The following ASB11 variants were observed in gnomAD, a reference collection of about 807,000 sequenced individuals.
ASB11 encodes ankyrin repeat and SOCS box containing 11, also known as ankyrin repeat and SOCS box protein 11.
In ASB11, 17 loss-of-function variants were observed where a neutral mutation model predicts 20.1. That is an observed-to-expected ratio of 0.85 (90% CI 0.58 to 1.27). The LOEUF is 1.27. ASB11 is among the 50% of genes most tolerant of loss of function. The pLI is 0.00. For synonymous variants in ASB11, 107 were observed against 105.6 expected, an observed-to-expected ratio of 1.01 and a Z score of -0.08; for missense variants, 259 against 256.9, an observed-to-expected ratio of 1.01 and a Z score of -0.06.
At chrX:15,289,745 C>T (rs1395327860) in intron 4 of ASB11, 107 bp from the exon 5 acceptor site, 7 of 950,231 alleles carry the variant, frequency 7.4e-6, no homozygotes, top group Middle Eastern at 3.2e-4. Context: ...CTAGGTTGGC[C>T]GGGTGTGGTG....
In ASB11 at chrX:15,283,274, A is replaced by G. The variant is rs1240972640; in HGVS notation, c.*231T>C. On this transcript the variant is annotated 3_prime_UTR_variant, in exon 7 of 7. Transcript: ENST00000480796. ...CTTCACAGTTCTTTTAAGTTTCTTAACAACAAGAGCTAAAAGCTAAATGGT... is the reference window on the plus strand; with the variant it reads ...CTTCACAGTTCTTTTAAGTTTCTTAGCAACAAGAGCTAAAAGCTAAATGGT... 6.1e-6 allele frequency: 2 copies of G among 328,362 alleles called. No individual in the cohort carries two copies. The highest frequency in any genetic ancestry group is 1.0e-5 in the Non-Finnish European group (2 of 190,959). The allele number at this position is 328,362 out of a possible 1,213,427, so 27.1% of individuals were successfully genotyped here.
rs754732499 is a variant in ASB11, at chrX:15,283,586, C to G, written c.891G>C (p.Lys297Asn). ...CTTGATGACATGCTCGACCGAGACA[C>G]TTCCGGACACACAGGCGGCAGAGCT... is the stretch of plus-strand genomic sequence containing the variant. ...LSQLCRLCVR[K>N]CLGRACHQAI... Residue 297 changes from lysine to asparagine, a missense_variant, in exon 7 of 7, where the codon AAG becomes AAC. Transcript: ENST00000480796. 2 of 1,209,966 alleles carry G rather than the reference C, an allele frequency of 1.7e-6. No individual in the cohort carries two copies. Among genetic ancestry groups the G allele is most frequent in the Admixed American group, 2.2e-5 (1 of 45,910 alleles).
Position 15,287,875 on chromosome X carries a change from G to T in ASB11, c.847+6C>A, listed in dbSNP as rs373647947. The T allele has an allele frequency of 9.3e-4, 1,115 of 1,195,183 alleles. No homozygotes were observed. Among genetic ancestry groups the T allele is most frequent in the Non-Finnish European group, 1.2e-3 (1,027 of 886,263 alleles). ...GAAGAGGAATGGATACCCAGCCCTT[G>T]GTTACCTTCACGGAGCAAGAGTGCC... is the stretch of plus-strand genomic sequence containing the variant. On this transcript the variant is annotated splice_donor_region_variant and intron_variant, in intron 6 of 6. Transcript: ENST00000480796.
rs376817491 is a variant in ASB11 at position 15,315,406 on chromosome X, C to T, written c.181+19G>A. ...AGGGATTTTCTTTAAATATTAGGAACAAATTCATGTACTTTTACCTGAAAT... is the reference window on the plus strand; with the variant it reads ...AGGGATTTTCTTTAAATATTAGGAATAAATTCATGTACTTTTACCTGAAAT... On this transcript the variant is annotated intron_variant, in intron 1 of 6. Transcript: ENST00000480796. The T allele has an allele frequency of 9.4e-7, 1 of 1,058,563 alleles. No individual in the cohort carries two copies. Among genetic ancestry groups the T allele is most frequent in the South Asian group, 3.1e-5 (1 of 32,265 alleles). The allele number at this position is 1,058,563 out of a possible 1,213,427, so 87.2% of individuals were successfully genotyped here.
In ASB11 at chrX:15,315,510, C is replaced by CA. The variant is rs777775669; in HGVS notation, c.95dup (p.Leu32PhefsTer14). On this transcript the variant is annotated frameshift_variant, in exon 1 of 7. Coordinates refer to ENST00000480796, the MANE Select transcript of ASB11 (RefSeq NM_080873.3). LOFTEE classifies it high-confidence loss of function. Reference sequence around the variant, plus strand: ...CGATATAGAAATGGGTTAGGAGAGCCAAAAAAACTTTAATTAAAAGCTTAA... The same window carrying CA: ...CGATATAGAAATGGGTTAGGAGAGCCAAAAAAAACTTTAATTAAAAGCTTAA... 1.9e-5 allele frequency: 22 copies of CA among 1,184,043 alleles called. No individual in the cohort carries two copies. The highest frequency in any genetic ancestry group is 6.1e-5 in the East Asian group (2 of 32,956).
intron 6 of ASB11, 70 bp from the exon 7 acceptor site, chrX:15,283,699 A>G: frequency 8.7e-7 from 1 of 1,147,972 alleles, no homozygotes; most frequent in Non-Finnish European, 1.2e-6. Flanking sequence ...GAAATCAGAG[A>G]ACTGGAAGAG....
At chrX:15,295,667 C>T (rs1431969431) in intron 3 of ASB11, among the ~76,000 whole-genome samples, 2 of 112,089 alleles carry the variant, frequency 1.8e-5, no homozygotes, top group African/African-American at 6.5e-5. Flanking sequence ...TACTGATGGA[C>T]CAACTTTCTC....
chrX:15,314,625 A>T, intron 1 of ASB11: 2 of 844,740 alleles, frequency 2.4e-6, no homozygotes, highest in Non-Finnish European at 3.0e-6. Context: ...AATGGATACT[A>T]GATAAAGAAT....
intron 6 of ASB11, among the ~76,000 whole-genome samples, chrX:15,284,296 T>C (rs1453913686): frequency 9.4e-6 from 1 of 106,170 alleles, no homozygotes; most frequent in Non-Finnish European, 1.9e-5. Context: ...AGTAATACAC[T>C]GGCCAAGGAG....
Position 15,302,603 on chromosome X carries a change from G to A in ASB11, c.261+125C>T, listed in dbSNP as rs906790566. 6.1e-5 allele frequency: 37 copies of A among 608,028 alleles called. No homozygotes were observed. The African/African-American group carries it at 7.2e-4, about 12-fold the overall frequency. 50.1% of individuals were successfully genotyped at this position (608,028 alleles called of 1,213,427 possible). On this transcript the variant is annotated intron_variant, in intron 2 of 6. Transcript: ENST00000480796. ...GGCAGTGAGGTATGAGAGGACATAC[G>A]TGCCTCGAATGGCAATGGTGGGACC...
intron 2 of ASB11, 75 bp from the exon 3 acceptor site, chrX:15,297,756 A>C (rs910490355): frequency 2.1e-6 from 2 of 972,921 alleles, no homozygotes; most frequent in Non-Finnish European, 2.9e-6. Context: ...GGCTGGTCTC[A>C]AACTCCTGGC....
intron 6 of ASB11, 53 bp from the exon 7 acceptor site, chrX:15,283,682 G>A (rs1927260515): frequency 8.9e-7 from 1 of 1,121,509 alleles, no homozygotes; most frequent in Non-Finnish European, 1.2e-6. Flanking sequence ...AGGTGGGGTG[G>A]AAGGGGGAAA....
At chrX:15,306,144 TACC>T (rs1163173148) in intron 1 of ASB11, among the ~76,000 whole-genome samples, 1 of 112,209 alleles carries the variant, frequency 8.9e-6, no homozygotes, top group Non-Finnish European at 1.9e-5. Context: ...AATGTATATG[TACC>T]ACATTTTCTT....
At chrX:15,293,379 G>A in intron 3 of ASB11, 59 bp from the exon 4 acceptor site, 1 of 1,139,203 alleles carries the variant, frequency 8.8e-7, no homozygotes, top group South Asian at 2.1e-5. Context: ...CCATCTCCAA[G>A]TATGTCTTCC....
At chrX:15,305,580 A>G (rs918337085) in intron 1 of ASB11, among the ~76,000 whole-genome samples, 2 of 95,723 alleles carry the variant, frequency 2.1e-5, no homozygotes. Flanking sequence ...CAAACATTTT[A>G]ACAAGAAAAA....
chrX:15,314,144 G>A (rs2147707743), intron 1 of ASB11, among the ~76,000 whole-genome samples: 1 of 108,321 alleles, frequency 9.2e-6, no homozygotes, highest in African/African-American at 3.3e-5. Flanking sequence ...GAAAACATTT[G>A]TAACATGTTC....
At chrX:15,305,776 A>G (rs1433766012) in intron 1 of ASB11, among the ~76,000 whole-genome samples, 12 of 108,021 alleles carry the variant, frequency 1.1e-4, no homozygotes, top group African/African-American at 4.4e-4. Context: ...TTTGACTTTT[A>G]TCTTAAGTTC....
chrX:15,310,712 G>A (rs1342513948), intron 1 of ASB11, among the ~76,000 whole-genome samples: 2 of 112,672 alleles, frequency 1.8e-5, no homozygotes, highest in African/African-American at 6.5e-5. Flanking sequence ...CAACAGCCGG[G>A]CGCGGTGGCT....
In ASB11 at chrX:15,283,561, C is replaced by A. The variant is rs930287534; in HGVS notation, c.916G>T (p.Ala306Ser). ...TCTGGCAGATGTAGCTTGTGGATGG[C>A]TTGATGACATGCTCGACCGAGACAC... ...RKCLGRACHQ[A>S]IHKLHLPEPL... Residue 306 changes from alanine to serine, a missense_variant, in exon 7 of 7, where the codon GCC (alanine) becomes TCC (serine). Coordinates refer to ENST00000480796, the MANE Select transcript of ASB11 (RefSeq NM_080873.3). 3.5e-5 allele frequency: 42 copies of A among 1,209,878 alleles called. No homozygotes were observed. Among genetic ancestry groups the A allele is most frequent in the South Asian group, 7.0e-5 (4 of 56,878 alleles).
Sources: allele counts gnomAD v4.1 joint callset (sites outside exome capture counted in the v4.1 genomes callset), GRCh38; gene constraint gnomAD v4.1.1; transcripts MANE v1.5; gene names NCBI Gene and HGNC (gene_info 2026-07-23, HGNC 2026-07-21).